ANK2: variants seen among roughly 807,000 people sequenced by gnomAD.
ANK2 encodes the protein ankyrin 2, also known as ankyrin-2.
A neutral mutation model predicts 360.5 loss-of-function variants in ANK2; 83 were observed. That is an observed-to-expected ratio of 0.23 (90% CI 0.19 to 0.28). ANK2 has a LOEUF of 0.28. ANK2 is among the 10% of genes least tolerant of loss of function. The probability of loss-of-function intolerance (pLI) is 1.00; values close to 1 mark genes in which losing one functional copy is unlikely to be tolerated. For synonymous variants in ANK2, 1,740 were observed against 1,759.5 expected, an observed-to-expected ratio of 0.99 and a Z score of 0.28; for missense variants, 4,201 against 4,795.7, an observed-to-expected ratio of 0.88 and a Z score of 3.66.
At chr4:113,064,189 A>G (rs549295347) in intron 1 of ANK2, among the ~76,000 whole-genome samples, 1 of 152,252 alleles carries the variant, frequency 6.6e-6, no homozygotes, top group Admixed American at 6.5e-5. Context: ...ATTTTTCCTC[A>G]TTAATTTTTC....
intron 24 of ANK2, among the ~76,000 whole-genome samples, chr4:113,315,647 C>T (rs916558638): frequency 2.0e-5 from 3 of 152,068 alleles, no homozygotes; most frequent in Non-Finnish European, 2.9e-5. Context: ...GCCTGTAATC[C>T]CAGCACTTTG....
At chr4:112,895,448 G>A (rs2081443318) in intron 1 of ANK2, among the ~76,000 whole-genome samples, 1 of 152,132 alleles carries the variant, frequency 6.6e-6, no homozygotes, top group Non-Finnish European at 1.5e-5. Context: ...GTGACCATCA[G>A]GATTATTTTC....
chr4:112,735,601 A>T, the ANK2 span, among the ~76,000 whole-genome samples: 1 of 152,200 alleles, frequency 6.6e-6, no homozygotes, highest in Admixed American at 6.6e-5. Flanking sequence ...ACAAGACACC[A>T]GTGAATCTCT....
chr4:112,807,837 G>A, the ANK2 span, among the ~76,000 whole-genome samples: 34,348 of 152,048 alleles, frequency 0.23, 4,265 homozygotes, highest in East Asian at 0.53. Context: ...TCAGACTGTG[G>A]ATGAGACCAA....
intron 20 of ANK2, among the ~76,000 whole-genome samples, chr4:113,291,710 T>A (rs2067685225): frequency 6.6e-6 from 1 of 152,158 alleles, no homozygotes; most frequent in Non-Finnish European, 1.5e-5. Flanking sequence ...TAAAATTTTA[T>A]GAGAAGTGAA....
At chr4:112,740,288 G>A in the ANK2 span, among the ~76,000 whole-genome samples, 283 of 152,098 alleles carry the variant, frequency 1.9e-3, 1 homozygote, top group Non-Finnish European at 3.3e-3. Context: ...CTCCCAAGCT[G>A]TAGCAGTGGT....
chr4:113,043,786 C>T (rs770040580), intron 2 of ANK2, among the ~76,000 whole-genome samples: 1 of 152,026 alleles, frequency 6.6e-6, no homozygotes, highest in African/African-American at 2.4e-5. Context: ...CTACCATGGT[C>T]AGAACAATGA....
intron 1 of ANK2, chr4:113,151,311 G>T (rs1259625762): frequency 2.4e-6 from 1 of 408,176 alleles, no homozygotes. Context: ...AAGAAAAGAG[G>T]TTTATTTGGA....
Position 112,930,348 on chromosome 4 carries a change from T to A in ANK2, c.21+25834T>A, listed in dbSNP as rs1324915373. Among the ~76,000 whole-genome samples the A allele has an allele frequency of 2.7e-4, 41 of 151,340 alleles. 1 individual carries two copies. The highest frequency in any genetic ancestry group is 2.7e-3 in the Admixed American group (41 of 15,180). On this transcript the variant is annotated intron_variant, in intron 2 of 30. Transcript: ENST00000503271. The stretch of plus-strand genomic sequence containing the variant: ...CTGTAGTCCCAGCTACTTGGGAGGC[T>A]GAGGTGGGAGGATCACCTGAGTCCA...
At chr4:113,081,217 C>T (rs563939621) in intron 1 of ANK2, among the ~76,000 whole-genome samples, 1 of 152,104 alleles carries the variant, frequency 6.6e-6, no homozygotes, top group African/African-American at 2.4e-5. Context: ...ATAGGTAGTA[C>T]CACTTACCAC....
intron 37 of ANK2, among the ~76,000 whole-genome samples, chr4:113,351,526 C>G (rs1323260802): frequency 1.3e-5 from 2 of 151,864 alleles, no homozygotes; most frequent in African/African-American, 4.8e-5. Flanking sequence ...ACAGATTCTC[C>G]CAAGAGAAGG....
At chr4:113,301,959 C>G (rs1261460174) in intron 22 of ANK2, among the ~76,000 whole-genome samples, 1 of 152,158 alleles carries the variant, frequency 6.6e-6, no homozygotes, top group Non-Finnish European at 1.5e-5. Flanking sequence ...ATATGCCAAG[C>G]ACTATTTTTA....
rs565066932 is a variant in ANK2 at position 113,302,823 on chromosome 4, T to C, written c.2532T>C (p.Asp844=). ...CTGAGACGATGACTGAGGTTCTTGA[T>C]GTTTCTGATGAAGAGGGTAAGACTT... ...NVPETMTEVL[D]VSDEEGDDTM... is the part of the protein sequence containing the mutation. Residue 844 remains aspartate, a synonymous_variant, in exon 23 of 46, where the codon GAT becomes GAC. Transcript: ENST00000357077. 1 of 1,613,632 alleles carries C rather than the reference T, an allele frequency of 6.2e-7. No homozygotes were observed. The highest frequency in any genetic ancestry group is 2.2e-5 in the East Asian group (1 of 44,862).
intron 1 of ANK2, among the ~76,000 whole-genome samples, chr4:113,066,590 C>T (rs116389118): frequency 3.3e-4 from 51 of 152,252 alleles, no homozygotes; most frequent in African/African-American, 9.4e-4. Context: ...GCAAGAGCTC[C>T]TGCAAGCTAT....
At chr4:112,936,214 A>T (rs2154241830) in intron 2 of ANK2, among the ~76,000 whole-genome samples, 1 of 152,376 alleles carries the variant, frequency 6.6e-6, no homozygotes, top group African/African-American at 2.4e-5. Flanking sequence ...AGCATTGTAC[A>T]GAACCAAATG....
the ANK2 span, among the ~76,000 whole-genome samples, chr4:112,793,608 C>A: frequency 6.6e-6 from 1 of 151,400 alleles, no homozygotes; most frequent in Admixed American, 6.6e-5. Context: ...ATGATAGAAA[C>A]TTAAAGACTG....
chr4:113,164,327 A>G (rs2097674417), intron 1 of ANK2, among the ~76,000 whole-genome samples: 1 of 152,248 alleles, frequency 6.6e-6, no homozygotes, highest in Non-Finnish European at 1.5e-5. Context: ...GGCCACACTA[A>G]GATCAACAGT....
chr4:112,804,454 C>G, the ANK2 span, among the ~76,000 whole-genome samples: 1 of 152,138 alleles, frequency 6.6e-6, no homozygotes, highest in African/African-American at 2.4e-5. Context: ...CACTGCATTT[C>G]AAGAAGCTAC....
intron 9 of ANK2, among the ~76,000 whole-genome samples, chr4:113,246,468 T>C (rs1233264729): frequency 6.6e-6 from 1 of 152,222 alleles, no homozygotes; most frequent in South Asian, 2.1e-4. Flanking sequence ...AAAGACCTCA[T>C]TTCAATGTGA....
Sources: allele counts gnomAD v4.1 joint callset (sites outside exome capture counted in the v4.1 genomes callset), GRCh38; gene constraint gnomAD v4.1.1; transcripts MANE v1.5; gene names NCBI Gene and HGNC (gene_info 2026-07-23, HGNC 2026-07-21).